Variants in THSD7B observed in about 807,000 individuals in gnomAD.
The protein encoded by THSD7B is thrombospondin type-1 domain-containing protein 7B.
A neutral mutation model predicts 213.6 loss-of-function variants in THSD7B; 138 were observed. The ratio of observed to expected loss-of-function variants is 0.65; its 90% confidence interval spans 0.56 to 0.74. The LOEUF is 0.74. Ranked by LOEUF, THSD7B falls within the 30% of genes least tolerant of loss-of-function variation. THSD7B has a pLI of 0.00. For missense variants in THSD7B, 1,931 were observed against 1,991.5 expected (o/e 0.97, Z 0.58); for synonymous variants, 742 against 687.0 (o/e 1.08, Z -1.25).
chr2:137,340,418 C>T (rs1418505277), intron 12 of THSD7B, among the ~76,000 whole-genome samples: 1 of 151,864 alleles, frequency 6.6e-6, no homozygotes, highest in African/African-American at 2.4e-5. Context: ...AGCCAGTTGA[C>T]ATATTCACTA....
chr2:137,290,647 TC>T, intron 12 of THSD7B, among the ~76,000 whole-genome samples: 1 of 152,240 alleles, frequency 6.6e-6, no homozygotes, highest in East Asian at 1.9e-4. Flanking sequence ...AAGGGAAGTC[TC>T]CCTGTCAGCA....
At chr2:137,269,137 C>T (rs1278584409) in intron 10 of THSD7B, among the ~76,000 whole-genome samples, 4 of 152,118 alleles carry the variant, frequency 2.6e-5, no homozygotes, top group African/African-American at 4.8e-5. Flanking sequence ...CCTCCCTTAA[C>T]TCTCTCTCTT....
chr2:137,546,362 T>TTA (rs769909811), intron 15 of THSD7B, among the ~76,000 whole-genome samples: 2 of 55,266 alleles, frequency 3.6e-5, no homozygotes, highest in South Asian at 5.4e-4. Flanking sequence ...TATATATATA[T>TTA]TATATATATA....
chr2:136,838,445 G>A (rs1244115937), intron 1 of THSD7B, among the ~76,000 whole-genome samples: 1 of 152,160 alleles, frequency 6.6e-6, no homozygotes, highest in Non-Finnish European at 1.5e-5. Flanking sequence ...AGTAGCTTCT[G>A]TAGTTTCTAT....
chr2:137,170,616 C>A (rs2104994875), intron 6 of THSD7B, 125 bp from the exon 7 acceptor site: 1 of 832,218 alleles, frequency 1.2e-6, no homozygotes, highest in South Asian at 1.9e-5. Flanking sequence ...TAAAACACAT[C>A]AAGATAATAC....
chr2:137,029,900 G>T (rs1232378582), intron 2 of THSD7B, among the ~76,000 whole-genome samples: 1 of 152,148 alleles, frequency 6.6e-6, no homozygotes, highest in Non-Finnish European at 1.5e-5. Flanking sequence ...GGAGCTGGTT[G>T]CCTGTTGAAC....
rs148831779 is a variant in THSD7B, at chr2:137,281,567, C to T, written c.2500+5541C>T. Among the ~76,000 whole-genome samples, 246 of 149,470 alleles carry T rather than the reference C, an allele frequency of 1.6e-3. 1 individual carries two copies. Among genetic ancestry groups the T allele is most frequent in the Non-Finnish European group, 2.8e-3 (186 of 67,446 alleles). The stretch of plus-strand genomic sequence containing the variant: ...ATGCTATCCCCCCACCCCCACCCCA[C>T]AGCAGTCCCCGGTATGTGATGTTCC... On this transcript the variant is annotated intron_variant, in intron 12 of 27. Coordinates refer to ENST00000409968, the MANE Select transcript of THSD7B (RefSeq NM_001316349.2).
At chr2:137,200,800 A>G (rs1354465713) in intron 7 of THSD7B, among the ~76,000 whole-genome samples, 2 of 150,438 alleles carry the variant, frequency 1.3e-5, no homozygotes, top group Non-Finnish European at 3.0e-5. Context: ...CTTCCCAAGT[A>G]GCTGGGGCTA....
intron 1 of THSD7B, among the ~76,000 whole-genome samples, chr2:136,773,247 T>C (rs1421363369): frequency 6.6e-6 from 1 of 152,092 alleles, no homozygotes; most frequent in African/African-American, 2.4e-5. Context: ...TCTACGTGGA[T>C]TAACTTATGA....
intron 10 of THSD7B, among the ~76,000 whole-genome samples, chr2:137,263,289 A>G (rs1485190852): frequency 6.6e-6 from 1 of 151,826 alleles, no homozygotes; most frequent in African/African-American, 2.4e-5. Flanking sequence ...ACACATACAC[A>G]TATATATAAC....
In THSD7B at chr2:137,417,824, A is replaced by G. The variant is rs552489751; in HGVS notation, c.2959+5952A>G. Among the ~76,000 whole-genome samples the G allele has an allele frequency of 2.0e-4, 31 of 152,344 alleles. No homozygotes were observed. The South Asian group carries it at 3.7e-3, about 18-fold the overall frequency. Reference sequence around the variant, plus strand: ...TATTAACCTATTGTGAACAGTCTTCATAAGTCCAGTTCATGGAAGGGACTG... The same window carrying G: ...TATTAACCTATTGTGAACAGTCTTCGTAAGTCCAGTTCATGGAAGGGACTG... On this transcript the variant is annotated intron_variant, in intron 14 of 27. Transcript: ENST00000409968.
intron 2 of THSD7B, among the ~76,000 whole-genome samples, chr2:137,008,088 T>G (rs181136472): frequency 6.6e-6 from 1 of 151,972 alleles, no homozygotes; most frequent in Non-Finnish European, 1.5e-5. Context: ...AGCAAAGACA[T>G]GAAAAAGTGT....
In THSD7B at chr2:137,371,859, TTC is replaced by T. The variant is rs1483317969; in HGVS notation, c.2501-33752_2501-33751del. Among the ~76,000 whole-genome samples the T allele has an allele frequency of 5.9e-5, 9 of 152,180 alleles. No homozygotes were observed. In the East Asian group the frequency reaches 1.7e-3, roughly 29 times the overall value. ...ACTACTGGTTTCATGGTAGAAATCTTTCTGTTTTTCTTCAGTTTAATAGTTTT... is the reference window on the plus strand; with the variant it reads ...ACTACTGGTTTCATGGTAGAAATCTTTGTTTTTCTTCAGTTTAATAGTTTT... On this transcript the variant is annotated intron_variant, in intron 12 of 27. Coordinates refer to ENST00000409968, the MANE Select transcript of THSD7B (RefSeq NM_001316349.2).
At chr2:137,017,749 T>A (rs1019127300) in intron 2 of THSD7B, among the ~76,000 whole-genome samples, 1 of 152,212 alleles carries the variant, frequency 6.6e-6, no homozygotes, top group Non-Finnish European at 1.5e-5. Flanking sequence ...TTCTGTAAGA[T>A]GCTTTGTGGC....
At chr2:137,370,591 C>T (rs1387466820) in intron 12 of THSD7B, among the ~76,000 whole-genome samples, 1 of 152,126 alleles carries the variant, frequency 6.6e-6, no homozygotes, top group Admixed American at 6.5e-5. Context: ...GTCTCAGCCT[C>T]CCGAGTAACT....
chr2:137,293,357 A>G (rs1019680231), intron 12 of THSD7B, among the ~76,000 whole-genome samples: 1 of 151,916 alleles, frequency 6.6e-6, no homozygotes. Context: ...AGGATGACCT[A>G]AAATCCCTGA....
chr2:137,198,201 A>G (rs1042552312), intron 7 of THSD7B, among the ~76,000 whole-genome samples: 4 of 152,178 alleles, frequency 2.6e-5, no homozygotes, highest in African/African-American at 7.2e-5. Context: ...CCAGAAATCA[A>G]TGAGACTGGC....
intron 10 of THSD7B, among the ~76,000 whole-genome samples, chr2:137,245,225 A>T (rs762010500): frequency 3.9e-5 from 6 of 152,222 alleles, no homozygotes; most frequent in Non-Finnish European, 8.8e-5. Flanking sequence ...TGCTGGAGCC[A>T]GATAACTGTG....
chr2:137,400,320 G>C (rs1320277685), intron 12 of THSD7B, among the ~76,000 whole-genome samples: 1 of 151,244 alleles, frequency 6.6e-6, no homozygotes. Context: ...CATGATTTTT[G>C]TGTGTTTGCA....
Sources: allele counts gnomAD v4.1 joint callset (sites outside exome capture counted in the v4.1 genomes callset), GRCh38; gene constraint gnomAD v4.1.1; transcripts MANE v1.5; gene names NCBI Gene and HGNC (gene_info 2026-07-23, HGNC 2026-07-21).